SHPK: variants seen among roughly 807,000 people sequenced by gnomAD.
The protein encoded by SHPK is carbohydrate kinase-like protein.
SHPK carries 51 observed loss-of-function variants against 46.3 expected under a neutral mutation model. The observed-to-expected ratio is 1.10, with a 90% CI of 0.88 to 1.39. The LOEUF (loss-of-function observed/expected upper bound fraction) is 1.39, where lower values mean the gene tolerates loss of function less well. Ranked by LOEUF, SHPK falls within the 40% of genes most tolerant of loss-of-function variation. The pLI, the probability that SHPK is intolerant of heterozygous loss-of-function variation, is 0.00. For synonymous variants in SHPK, 290 were observed against 273.9 expected, an observed-to-expected ratio of 1.06 and a Z score of -0.58; for missense variants, 668 against 641.3, an observed-to-expected ratio of 1.04 and a Z score of -0.45.
chr17:3,610,186 A>G lies in SHPK; in HGVS notation c.*374T>C, dbSNP rs1212684814. The stretch of plus-strand genomic sequence containing the variant: ...GTTCTCTTTTCCCACTTGGGACCAA[A>G]GCCACCAGACTTTCTGGTGTCTGAA... On this transcript the variant is annotated 3_prime_UTR_variant, in exon 7 of 7. Coordinates refer to ENST00000225519, the MANE Select transcript of SHPK (RefSeq NM_013276.4). 5.5e-6 allele frequency: 1 copy of G among 182,084 alleles called. No individual in the cohort carries two copies. Among genetic ancestry groups the G allele is most frequent in the Non-Finnish European group, 1.2e-5 (1 of 85,776 alleles). 11.3% of individuals were successfully genotyped at this position (182,084 alleles called of 1,614,324 possible).
rs1312096056 is a variant in SHPK, at chr17:3,608,694, T to C, written c.*1866A>G. ...AGTGACACCGTGGATAAGGGGGGAC[T>C]ACTGTGGACAGCTTTCCTGGGTGAT... On this transcript the variant is annotated 3_prime_UTR_variant, in exon 7 of 7. Coordinates refer to ENST00000225519, the MANE Select transcript of SHPK (RefSeq NM_013276.4). 1 of 152,208 alleles carries C rather than the reference T, an allele frequency of 6.6e-6. No homozygotes were observed. Among genetic ancestry groups the C allele is most frequent in the African/African-American group, 2.4e-5 (1 of 41,454 alleles). 9.4% of individuals were successfully genotyped at this position (152,208 alleles called of 1,614,324 possible).
intron 6 of SHPK, among the ~76,000 whole-genome samples, chr17:3,615,046 A>G (rs1328397320): frequency 3.3e-5 from 5 of 151,224 alleles, no homozygotes; most frequent in Non-Finnish European, 7.4e-5. Context: ...GAAAAGAGGG[A>G]GCAGGGAGGG....
chr17:3,633,570 G>GT (rs1453440421), intron 1 of SHPK, among the ~76,000 whole-genome samples: 2 of 152,158 alleles, frequency 1.3e-5, no homozygotes, highest in Non-Finnish European at 2.9e-5. Flanking sequence ...CATATGTGGT[G>GT]TGGGGGGGTT....
In SHPK at chr17:3,630,343, G is replaced by A. The variant is rs903773880; in HGVS notation, c.172C>T (p.Arg58Trp). The A allele has an allele frequency of 8.1e-6, 13 of 1,606,832 alleles. No individual in the cohort carries two copies. The highest frequency in any genetic ancestry group is 2.2e-5 in the East Asian group (1 of 44,766). ...AGGATTCTACTCACATCCTGCTCCC[G>A]CCCCTGGAAGCAAAAGAGAACACAT... ...VESAVAGPQG[R>W]EQDVSRILQA... The change falls in exon 2 of 7, where the codon CGG becomes TGG. Residue 58 changes from arginine (R) to tryptophan (W), a missense_variant. By Grantham distance (101) the Arg-to-Trp change is moderately radical. Transcript: ENST00000225519.
rs758638222 is a variant in SHPK at position 3,624,200 on chromosome 17, C to T, written c.342G>A (p.Pro114=). Reference sequence around the variant, plus strand: ...GGCTAACAGCTCGGGGCTCGAACACCGGGGTAATCCCTCCCTCTGTCCATT... The same window carrying T: ...GGCTAACAGCTCGGGGCTCGAACACTGGGGTAATCCCTCCCTCTGTCCATT... The part of the protein sequence containing the change: ...GCEWTEGGIT[P]VFEPRAVSHL... The change falls in exon 3 of 7, where the codon CCG becomes CCA. Residue 114 remains proline (P), a synonymous_variant. Coordinates refer to ENST00000225519, the MANE Select transcript of SHPK (RefSeq NM_013276.4). 42 of 1,613,522 alleles carry T rather than the reference C, an allele frequency of 2.6e-5. No homozygotes were observed. Among genetic ancestry groups the T allele is most frequent in the Non-Finnish European group, 2.8e-5 (33 of 1,179,524 alleles).
chr17:3,614,962 G>T (rs1413282691), intron 6 of SHPK, among the ~76,000 whole-genome samples: 1 of 152,184 alleles, frequency 6.6e-6, no homozygotes, highest in Non-Finnish European at 1.5e-5. Context: ...TGTAAGTCAA[G>T]GAGCAACTGT....
chr17:3,623,511 C>G lies in SHPK; in HGVS notation c.495-20G>C. On this transcript the variant is annotated intron_variant, in intron 3 of 6. Transcript: ENST00000225519. The stretch of plus-strand genomic sequence containing the variant: ...TCTGGGCTGTTTTTCATACCAAAAA[C>G]AACCAACACGGTATAACATGAACTC... The G allele has an allele frequency of 6.2e-7, 1 of 1,612,592 alleles. No individual in the cohort carries two copies. Among genetic ancestry groups the G allele is most frequent in the African/African-American group, 1.3e-5 (1 of 74,372 alleles).
intron 1 of SHPK, among the ~76,000 whole-genome samples, chr17:3,633,314 G>A (rs1417162188): frequency 1.3e-5 from 2 of 151,390 alleles, no homozygotes; most frequent in Non-Finnish European, 1.5e-5. Context: ...GTTCCTACTC[G>A]GGGTGGTCTT....
At chr17:3,612,604 G>C (rs1051585952) in intron 6 of SHPK, among the ~76,000 whole-genome samples, 5 of 152,094 alleles carry the variant, frequency 3.3e-5, no homozygotes, top group African/African-American at 1.2e-4. Context: ...GATTTAACTG[G>C]TGTGGGTTGC....
chr17:3,613,923 C>G (rs9899882), intron 6 of SHPK, among the ~76,000 whole-genome samples: 16,335 of 152,114 alleles, frequency 0.11, 2,913 homozygotes, highest in African/African-American at 0.37. Context: ...ATACTTGGGC[C>G]ATGACCCAAG....
chr17:3,632,100 G>A (rs1465904144), intron 1 of SHPK, among the ~76,000 whole-genome samples: 1 of 151,796 alleles, frequency 6.6e-6, no homozygotes, highest in Non-Finnish European at 1.5e-5. Context: ...GGGACTATAG[G>A]TGCGCGCCAC....
At chr17:3,631,512 C>CCTTTTTTTT (rs2075471665) in intron 1 of SHPK, among the ~76,000 whole-genome samples, 2 of 53,036 alleles carry the variant, frequency 3.8e-5, no homozygotes, top group African/African-American at 1.8e-4. Flanking sequence ...TAATTTAATG[C>CCTTTTTTTT]TTTTTTTTTT....
Position 3,609,327 on chromosome 17 carries a change from GA to G in SHPK, c.*1232del, listed in dbSNP as rs1436151064. On this transcript the variant is annotated 3_prime_UTR_variant, in exon 7 of 7. Transcript: ENST00000225519. ...TTCATACCTGTCATGGATACTGAGA[GA>G]GAGAGAGAGAGAGAGAGAGAGAATA... 1 of 63,106 alleles carries G rather than the reference GA, an allele frequency of 1.6e-5. No homozygotes were observed. Among genetic ancestry groups the G allele is most frequent in the Non-Finnish European group, 4.7e-5 (1 of 21,474 alleles). The allele number at this position is 63,106 out of a possible 1,614,324, so 3.9% of individuals were successfully genotyped here. A position where few individuals can be genotyped will look rare whatever the true frequency, so the allele number is the denominator to read the frequency against.
intron 2 of SHPK, among the ~76,000 whole-genome samples, chr17:3,629,410 A>G (rs904512031): frequency 7.9e-5 from 12 of 152,276 alleles, no homozygotes; most frequent in Admixed American, 3.9e-4. Context: ...ACAACCAACT[A>G]GAAATGCTTA....
intron 6 of SHPK, among the ~76,000 whole-genome samples, chr17:3,612,086 G>A (rs969413933): frequency 2.0e-5 from 3 of 151,100 alleles, no homozygotes; most frequent in Admixed American, 6.6e-5. Flanking sequence ...TTACAGGCAT[G>A]AGCCACCATG....
intron 2 of SHPK, among the ~76,000 whole-genome samples, chr17:3,629,332 TA>T (rs922151574): frequency 5.9e-5 from 9 of 152,236 alleles, no homozygotes; most frequent in African/African-American, 2.2e-4. Context: ...TTTACTGTCT[TA>T]GGTTCTCCTC....
chr17:3,619,838 TCTC>T (rs1247087906), intron 5 of SHPK: 2 of 407,752 alleles, frequency 4.9e-6, no homozygotes, highest in African/African-American at 4.3e-5. Flanking sequence ...GCTTGGTTCC[TCTC>T]CTCTGCTGTC....
intron 2 of SHPK, 136 bp downstream of exon 2, chr17:3,630,069 A>T (rs1202393654): frequency 5.4e-6 from 6 of 1,102,786 alleles, no homozygotes; most frequent in Non-Finnish European, 8.1e-6. Context: ...GGCAGCACGT[A>T]TTCGTCCACT....
At chr17:3,630,120 C>A in intron 2 of SHPK, 85 bp downstream of exon 2, 2 of 1,550,848 alleles carry the variant, frequency 1.3e-6, no homozygotes, top group African/African-American at 1.4e-5. Context: ...GATAACCCGA[C>A]CCTTCACAGA....
Sources: allele counts gnomAD v4.1 joint callset (sites outside exome capture counted in the v4.1 genomes callset), GRCh38; gene constraint gnomAD v4.1.1; transcripts MANE v1.5; gene names NCBI Gene and HGNC (gene_info 2026-07-23, HGNC 2026-07-21).